The following ENAH variants were observed in gnomAD, a reference collection of about 807,000 sequenced individuals.
The protein encoded by ENAH is protein enabled homolog.
Under a neutral mutation model 78.7 loss-of-function variants are expected in ENAH, and 23 were observed. The ratio of observed to expected loss-of-function variants is 0.29; its 90% CI spans 0.21 to 0.41. The LOEUF (loss-of-function observed/expected upper bound fraction) is 0.41. ENAH is among the 10% of genes least tolerant of loss of function. ENAH has a pLI of 1.00. For missense variants in ENAH, 544 were observed against 691.0 expected, an observed-to-expected ratio of 0.79 and a Z score of 2.39; for synonymous variants, 226 against 241.0, an observed-to-expected ratio of 0.94 and a Z score of 0.58.
chr1:225,641,016 A>ACCACG (rs1202879239), intron 1 of ENAH, among the ~76,000 whole-genome samples: 57 of 148,902 alleles, frequency 3.8e-4, no homozygotes, highest in African/African-American at 1.4e-3. Context: ...GGCGCCCGCC[A>ACCACG]CCACGCCTGA....
intron 1 of ENAH, chr1:225,652,269 G>A (rs1663162725): frequency 2.2e-6 from 2 of 914,486 alleles, no homozygotes; most frequent in Non-Finnish European, 2.6e-6. Context: ...AAACACGAGA[G>A]TTCGGAGGCA....
At position 225,564,302 on chromosome 1, in the gene ENAH, T is replaced by C. The variant is rs574973698; in HGVS notation, c.171+2947A>G. Reference sequence around the variant, plus strand: ...CTAGTTGTTTGGGGTTTTTTGTTTTTTTTTGAGATGGTGTTTCGCTCTTGT... The same window carrying C: ...CTAGTTGTTTGGGGTTTTTTGTTTTCTTTTGAGATGGTGTTTCGCTCTTGT... On this transcript the variant is annotated intron_variant, in intron 2 of 13. Transcript: ENST00000366843. Among the ~76,000 whole-genome samples the C allele has an allele frequency of 5.3e-5, 8 of 152,048 alleles. No homozygotes were observed. In the East Asian group the frequency reaches 1.5e-3, roughly 29 times the overall value.
intron 3 of ENAH, among the ~76,000 whole-genome samples, chr1:225,530,861 C>G (rs1428183675): frequency 6.6e-6 from 1 of 152,060 alleles, no homozygotes; most frequent in Non-Finnish European, 1.5e-5. Flanking sequence ...AAATGGAAAA[C>G]ATCAACAATA....
chr1:225,580,439 T>C (rs2096810421), intron 1 of ENAH, among the ~76,000 whole-genome samples: 1 of 152,056 alleles, frequency 6.6e-6, no homozygotes, highest in Non-Finnish European at 1.5e-5. Flanking sequence ...GGCCAACATT[T>C]TGACTGCATT....
chr1:225,620,752 C>T (rs1656683883), intron 1 of ENAH, among the ~76,000 whole-genome samples: 1 of 152,078 alleles, frequency 6.6e-6, no homozygotes, highest in Non-Finnish European at 1.5e-5. Flanking sequence ...CACCTGTAAT[C>T]CCAGCACTTT....
chr1:225,538,708 T>C (rs991569653), intron 3 of ENAH, among the ~76,000 whole-genome samples: 1 of 152,208 alleles, frequency 6.6e-6, no homozygotes, highest in Non-Finnish European at 1.5e-5. Context: ...CTTCTATCAG[T>C]TGATAACTTG....
At chr1:225,520,203 G>A (rs968089016) in intron 4 of ENAH, among the ~76,000 whole-genome samples, 3 of 151,288 alleles carry the variant, frequency 2.0e-5, no homozygotes, top group Admixed American at 6.6e-5. Flanking sequence ...GCTGAGGCAG[G>A]AGAATCGCTT....
intron 1 of ENAH, among the ~76,000 whole-genome samples, chr1:225,607,272 A>T (rs1187065249): frequency 6.6e-6 from 1 of 152,218 alleles, no homozygotes; most frequent in Non-Finnish European, 1.5e-5. Flanking sequence ...ATGTTTTAAG[A>T]AAGTTTACGA....
At chr1:225,605,593 A>G (rs2096952141) in intron 1 of ENAH, among the ~76,000 whole-genome samples, 1 of 152,188 alleles carries the variant, frequency 6.6e-6, no homozygotes, top group Admixed American at 6.5e-5. Context: ...CTTTAAATGC[A>G]TGAGATAATA....
chr1:225,532,833 T>C (rs1486896136), intron 3 of ENAH, among the ~76,000 whole-genome samples: 1 of 152,120 alleles, frequency 6.6e-6, no homozygotes, highest in Non-Finnish European at 1.5e-5. Context: ...AAAAATTTAC[T>C]ACAGTTTATT....
In ENAH at chr1:225,522,072, G is replaced by A. The variant is rs916072521; in HGVS notation, c.435-2507C>T. Among the ~76,000 whole-genome samples, 8 of 152,288 alleles carry A rather than the reference G, an allele frequency of 5.3e-5. No individual in the cohort carries two copies. In the East Asian group the frequency reaches 1.2e-3, roughly 22 times the overall value. ...GGCCTCCCAAAGTGCTGGGATTACA[G>A]GTGTGAGCCACCGCGCCCGGCCCAA... On this transcript the variant is annotated intron_variant, in intron 4 of 13. Coordinates refer to ENST00000366843, the MANE Select transcript of ENAH (RefSeq NM_018212.6).
chr1:225,603,474 G>GA (rs1269998119), intron 1 of ENAH, among the ~76,000 whole-genome samples: 12 of 152,034 alleles, frequency 7.9e-5, no homozygotes, highest in Non-Finnish European at 1.5e-5. Context: ...ATGAAAGTTA[G>GA]AAAAAAGTGT....
chr1:225,599,668 C>T lies in ENAH; in HGVS notation c.6-32254G>A, dbSNP rs375206636. ...TAAAAATTCAAAAAAATTAGCCAGG[C>T]GCCTGTAATCCCAGCTACTCGGAAG... is the stretch of plus-strand genomic sequence containing the variant. On this transcript the variant is annotated intron_variant, in intron 1 of 13. Coordinates refer to ENST00000366843, the MANE Select transcript of ENAH (RefSeq NM_018212.6). Among the ~76,000 whole-genome samples, 24 of 151,830 alleles carry T rather than the reference C, an allele frequency of 1.6e-4. No individual in the cohort carries two copies. The South Asian group carries it at 4.8e-3, about 30-fold the overall frequency.
chr1:225,632,553 A>T (rs1457081797), intron 1 of ENAH, among the ~76,000 whole-genome samples: 2 of 152,214 alleles, frequency 1.3e-5, no homozygotes, highest in Non-Finnish European at 1.5e-5. Context: ...AGACCTTTTA[A>T]CTTCATGAAT....
intron 3 of ENAH, among the ~76,000 whole-genome samples, chr1:225,545,104 A>G (rs1032862025): frequency 1.3e-5 from 2 of 152,278 alleles, no homozygotes; most frequent in East Asian, 3.9e-4. Context: ...TAATGTCCTC[A>G]TGGGGGAGGA....
chr1:225,610,715 C>G (rs1267363105), intron 1 of ENAH, among the ~76,000 whole-genome samples: 1 of 152,066 alleles, frequency 6.6e-6, no homozygotes, highest in Non-Finnish European at 1.5e-5. Context: ...AAAAAAGAAA[C>G]AGCCAACAAA....
intron 1 of ENAH, among the ~76,000 whole-genome samples, chr1:225,583,452 A>AAAG (rs2096829741): frequency 6.7e-6 from 1 of 148,950 alleles, no homozygotes; most frequent in Non-Finnish European, 1.5e-5. Context: ...AAAAAAAAAA[A>AAAG]AGAGAGAGAG....
At chr1:225,574,399 G>A (rs993013299) in intron 1 of ENAH, among the ~76,000 whole-genome samples, 1 of 151,990 alleles carries the variant, frequency 6.6e-6, no homozygotes, top group Non-Finnish European at 1.5e-5. Flanking sequence ...TCAGGAGTTC[G>A]AGACCAGCCT....
chr1:225,526,618 C>A (rs1421911817), intron 4 of ENAH, among the ~76,000 whole-genome samples: 2 of 151,690 alleles, frequency 1.3e-5, no homozygotes, highest in Admixed American at 6.6e-5. Flanking sequence ...ATTATGTAAG[C>A]CACAGCACAC....
Sources: gnomAD v4.1 joint callset for allele counts (sites outside exome capture counted in the v4.1 genomes callset) on GRCh38, gnomAD v4.1.1 for gene constraint, MANE v1.5 for transcripts, NCBI Gene and HGNC (gene_info 2026-07-23, HGNC 2026-07-21) for gene names.